Variants in PDE3A observed in about 807,000 individuals in gnomAD.
PDE3A encodes cGMP-inhibited 3',5'-cyclic phosphodiesterase 3A.
Under a neutral mutation model 98.3 loss-of-function variants are expected in PDE3A, and 43 were observed. The ratio of observed to expected loss-of-function variants is 0.44; its 90% confidence interval spans 0.34 to 0.56. The LOEUF (loss-of-function observed/expected upper bound fraction) is 0.56, where lower values mean the gene tolerates loss of function less well. Ranked by LOEUF, PDE3A falls within the 20% of genes least tolerant of loss-of-function variation. The pLI, the probability that PDE3A is intolerant of heterozygous loss-of-function variation, is 0.01. For missense variants in PDE3A, 1,427 were observed against 1,440.7 expected (o/e 0.99, Z 0.15); for synonymous variants, 663 against 567.9 (o/e 1.17, Z -2.38).
chr12:20,397,607 T>C (rs1944041595), intron 1 of PDE3A, among the ~76,000 whole-genome samples: 1 of 152,102 alleles, frequency 6.6e-6, no homozygotes, highest in Admixed American at 6.6e-5. Context: ...AGCAAAATCA[T>C]AATTGGGTTC....
intron 13 of PDE3A, among the ~76,000 whole-genome samples, chr12:20,649,925 T>C (rs1249058905): frequency 6.8e-6 from 1 of 146,218 alleles, no homozygotes; most frequent in Non-Finnish European, 1.5e-5. Flanking sequence ...AGACTCTGTC[T>C]CAAAAAAAGA....
At position 20,643,388 on chromosome 12, in the gene PDE3A, T is replaced by C. The variant is rs979742198; in HGVS notation, c.2252-3102T>C. On this transcript the variant is annotated intron_variant, in intron 10 of 15. Transcript: ENST00000359062. ...TAGCTTCTTTCCTGGGTGTCTTTGC[T>C]CCTGGGTTGGGTTACCAGAGAATTA... 6.6e-5 allele frequency among the ~76,000 whole-genome samples: 10 copies of C among 152,276 alleles called. No homozygotes were observed. The East Asian group carries it at 1.5e-3, about 24-fold the overall frequency.
At chr12:20,375,630 A>C (rs1943557055) in intron 1 of PDE3A, among the ~76,000 whole-genome samples, 1 of 151,992 alleles carries the variant, frequency 6.6e-6, no homozygotes, top group African/African-American at 2.4e-5. Flanking sequence ...TTGATCAATC[A>C]ACCTACCAGG....
intron 1 of PDE3A, among the ~76,000 whole-genome samples, chr12:20,517,273 A>G (rs1048992178): frequency 4.6e-5 from 7 of 152,246 alleles, no homozygotes; most frequent in African/African-American, 1.7e-4. Context: ...TCTAGGTACC[A>G]GGAATAAAAC....
rs535242206 is a variant in PDE3A at position 20,503,960 on chromosome 12, T to A, written c.961-52700T>A. 6.6e-5 allele frequency among the ~76,000 whole-genome samples: 10 copies of A among 152,234 alleles called. No homozygotes were observed. In the East Asian group the frequency reaches 1.9e-3, roughly 29 times the overall value. ...CCATGACAACTGACTGTCTTCAGAA[T>A]CATCTAGGGCTGATTGATTCATAAT... On this transcript the variant is annotated intron_variant, in intron 1 of 15. Coordinates refer to ENST00000359062, the MANE Select transcript of PDE3A (RefSeq NM_000921.5).
rs1047290274 is a variant in PDE3A, at chr12:20,369,135, TG to T, written c.-149del. On this transcript the variant is annotated 5_prime_UTR_variant, in exon 1 of 16. Coordinates refer to ENST00000359062, the MANE Select transcript of PDE3A (RefSeq NM_000921.5). ...TCGAAAGCTGAAACTTTCAGTGGAT[TG>T]TGGGCCTGGGGAGAAGAAGGATTCC... 137 of 562,934 alleles carry T rather than the reference TG, an allele frequency of 2.4e-4. No individual in the cohort carries two copies. The African/African-American group carries it at 2.7e-3, about 11-fold the overall frequency. The allele number at this position is 562,934 out of a possible 1,614,324, so 34.9% of individuals were successfully genotyped here.
chr12:20,567,816 C>T (rs1565591451), intron 2 of PDE3A, among the ~76,000 whole-genome samples: 4 of 151,840 alleles, frequency 2.6e-5, no homozygotes, highest in Admixed American at 2.6e-4. Context: ...ACAAACTGAA[C>T]TTGGCATTAC....
chr12:20,498,009 T>C (rs1195126479), intron 1 of PDE3A, among the ~76,000 whole-genome samples: 1 of 152,134 alleles, frequency 6.6e-6, no homozygotes, highest in Non-Finnish European at 1.5e-5. Context: ...TAATTAACTA[T>C]GCAGAAACGT....
chr12:20,562,225 T>G (rs1338460539), intron 2 of PDE3A, among the ~76,000 whole-genome samples: 1 of 149,822 alleles, frequency 6.7e-6, no homozygotes, highest in Non-Finnish European at 1.5e-5. Flanking sequence ...TATGCTTTTT[T>G]TTTTTTTTTT....
chr12:20,517,432 A>C, intron 1 of PDE3A, among the ~76,000 whole-genome samples: 1 of 152,302 alleles, frequency 6.6e-6, no homozygotes, highest in East Asian at 1.9e-4. Context: ...CTTGGTTATA[A>C]AAATGTTGTG....
At chr12:20,423,719 A>C (rs956511775) in intron 1 of PDE3A, among the ~76,000 whole-genome samples, 1 of 152,000 alleles carries the variant, frequency 6.6e-6, no homozygotes, top group African/African-American at 2.4e-5. Context: ...GCCTCCTCTT[A>C]ACAGTTTTGT....
At chr12:20,426,473 C>T (rs1305624844) in intron 1 of PDE3A, among the ~76,000 whole-genome samples, 1 of 152,090 alleles carries the variant, frequency 6.6e-6, no homozygotes, top group African/African-American at 2.4e-5. Context: ...TCACACTGGC[C>T]GCATCACGGC....
chr12:20,553,355 A>G (rs1054253756), intron 1 of PDE3A, among the ~76,000 whole-genome samples: 1 of 107,276 alleles, frequency 9.3e-6, no homozygotes, highest in African/African-American at 3.7e-5. Context: ...TCAAGTTCTC[A>G]GAAGTTGCTG....
At chr12:20,678,850 G>A (rs1945701090) in intron 15 of PDE3A, among the ~76,000 whole-genome samples, 1 of 152,176 alleles carries the variant, frequency 6.6e-6, no homozygotes, top group Admixed American at 6.5e-5. Flanking sequence ...GACTGGTTGT[G>A]AGGGCAGAAG....
Position 20,648,965 on chromosome 12 carries a change from G to T in PDE3A, c.2769+74G>T, listed in dbSNP as rs11045367. 934 of 924,806 alleles carry T rather than the reference G, an allele frequency of 1.0e-3. 7 individuals are homozygous for T. The African/African-American group carries it at 0.016, about 16-fold the overall frequency. The allele number at this position is 924,806 out of a possible 1,614,324, so 57.3% of individuals were successfully genotyped here. ...TTTTGAGACAGAGTCTTGCTCTGTC[G>T]CCCAGACTGGAGTGCAGTGGCACGA... On this transcript the variant is annotated intron_variant, in intron 13 of 15. Coordinates refer to ENST00000359062, the MANE Select transcript of PDE3A (RefSeq NM_000921.5).
At chr12:20,672,841 T>A (rs1391337471) in intron 15 of PDE3A, among the ~76,000 whole-genome samples, 1 of 131,928 alleles carries the variant, frequency 7.6e-6, no homozygotes, top group African/African-American at 2.9e-5. Context: ...AAGACAAAAT[T>A]GACAAATGGG....
chr12:20,425,364 C>A (rs748282761), intron 1 of PDE3A, among the ~76,000 whole-genome samples: 6 of 152,034 alleles, frequency 3.9e-5, no homozygotes, highest in Non-Finnish European at 8.8e-5. Flanking sequence ...CAACATGTGT[C>A]TCTTTAAAGA....
intron 5 of PDE3A, among the ~76,000 whole-genome samples, chr12:20,624,466 A>C (rs1353145837): frequency 1.3e-5 from 2 of 152,084 alleles, no homozygotes; most frequent in Non-Finnish European, 2.9e-5. Flanking sequence ...AAAGGAGCAA[A>C]ATGTAAAAGG....
chr12:20,663,047 G>T (rs530119059), intron 15 of PDE3A, among the ~76,000 whole-genome samples: 17 of 152,348 alleles, frequency 1.1e-4, no homozygotes, highest in African/African-American at 3.8e-4. Context: ...AGCCATGGCA[G>T]AAAGGGGCCA....
Sources: gnomAD v4.1 joint callset for allele counts (sites outside exome capture counted in the v4.1 genomes callset) on GRCh38, gnomAD v4.1.1 for gene constraint, MANE v1.5 for transcripts, NCBI Gene and HGNC (gene_info 2026-07-23, HGNC 2026-07-21) for gene names.